FER1L5: variants seen among roughly 807,000 people sequenced by gnomAD.
The protein encoded by FER1L5 is fer-1-like protein 5.
A neutral mutation model predicts 279.9 loss-of-function variants in FER1L5; 187 were observed. The observed-to-expected ratio is 0.67, with a 90% confidence interval of 0.59 to 0.75. FER1L5 has a LOEUF of 0.75. Ranked by LOEUF, FER1L5 falls within the 30% of genes least tolerant of loss-of-function variation. The pLI is 0.00. For missense variants in FER1L5, 2,091 were observed against 2,594.4 expected (o/e 0.81, Z 4.21); for synonymous variants, 921 against 989.7 (o/e 0.93, Z 1.30).
Position 96,704,381 on chromosome 2 carries a change from G to A in FER1L5, c.5949+19G>A. ...AGCTCCGGTGAGTGGCAGCCATGGG[G>A]GCAAGGACAAAGGTGGTCTCGGGAT... On this transcript the variant is annotated intron_variant, in intron 52 of 52. Coordinates refer to ENST00000624922, the MANE Select transcript of FER1L5 (RefSeq NM_001293083.2). The A allele has an allele frequency of 6.2e-7, 1 of 1,613,532 alleles. No homozygotes were observed. The highest frequency in any genetic ancestry group is 8.5e-7 in the Non-Finnish European group (1 of 1,179,552).
At chr2:96,682,804 C>G (rs2076779524) in intron 19 of FER1L5, among the ~76,000 whole-genome samples, 1 of 152,214 alleles carries the variant, frequency 6.6e-6, no homozygotes, top group Admixed American at 6.5e-5. Flanking sequence ...CTCCTGGGCT[C>G]AAGCCCACCC....
chr2:96,672,004 T>C (rs771325712), intron 18 of FER1L5, among the ~76,000 whole-genome samples: 4 of 151,900 alleles, frequency 2.6e-5, no homozygotes, highest in Non-Finnish European at 5.9e-5. Flanking sequence ...GAGGCTGAGA[T>C]AGGAGGATTA....
At chr2:96,688,019 G>T in intron 24 of FER1L5, 72 bp downstream of exon 24, 1 of 1,529,258 alleles carries the variant, frequency 6.5e-7, no homozygotes. Flanking sequence ...TCGTAGGGAA[G>T]AGATGGCCTC....
At chr2:96,685,917 C>T (rs1161983746) in intron 21 of FER1L5, 23 bp from the exon 22 acceptor site, 1 of 1,507,048 alleles carries the variant, frequency 6.6e-7, no homozygotes, top group African/African-American at 1.4e-5. Flanking sequence ...GGTCCAGCCC[C>T]TGCTACCCTG....
intron 22 of FER1L5, 27 bp downstream of exon 22, chr2:96,686,144 G>A (rs1573917949): frequency 1.3e-6 from 2 of 1,547,216 alleles, no homozygotes; most frequent in Non-Finnish European, 1.7e-6. Flanking sequence ...CTGGCCTGCA[G>A]CAGGGCTGGG....
At chr2:96,683,435 C>T (rs530044748) in intron 19 of FER1L5, among the ~76,000 whole-genome samples, 1 of 152,198 alleles carries the variant, frequency 6.6e-6, no homozygotes, top group African/African-American at 2.4e-5. Context: ...TTATAAGGAC[C>T]CCAGTCCTTA....
At position 96,689,755 on chromosome 2, in the gene FER1L5, CGTG is replaced by C; in HGVS notation, c.2640+1_2640+3del. 2 of 1,547,752 alleles carry C rather than the reference CGTG, an allele frequency of 1.3e-6. No individual in the cohort carries two copies. Among genetic ancestry groups the C allele is most frequent in the Non-Finnish European group, 1.7e-6 (2 of 1,145,550 alleles). On this transcript the variant is annotated inframe_deletion and splice_region_variant, in exon 26 of 53. Transcript: ENST00000624922. The surrounding 1 kb of genome is among the most constrained non-coding windows in gnomAD (Gnocchi z 4.6). ...GGCCTGCCGCCATCCCAAACACAGA[CGTG>C]GTGAGCAGGGCCGAAGCTGCCTCGG...
Position 96,653,667 on chromosome 2 carries a change from C to T in FER1L5, c.661C>T (p.Pro221Ser), listed in dbSNP as rs1231701306. 7.1e-6 allele frequency: 11 copies of T among 1,551,388 alleles called. No individual in the cohort carries two copies. Among genetic ancestry groups the T allele is most frequent in the Non-Finnish European group, 9.6e-6 (11 of 1,146,950 alleles). ...CTTCTTCCAGAATTTTCATGAGGTT[C>T]CTGCAAAGTTCTTTGATGAGACCAT... Reference protein sequence around the residue: ...EIFFQNFHEVPAKFFDETILI... With the variant: ...EIFFQNFHEVSAKFFDETILI... The change falls in exon 8 of 53, where the codon CCT becomes TCT. Residue 221 changes from proline (P) to serine (S), a missense_variant. Transcript: ENST00000624922.
Position 96,699,068 on chromosome 2 carries a change from A to G in FER1L5, c.4542A>G (p.Lys1514=). The G allele has an allele frequency of 6.2e-7, 1 of 1,611,596 alleles. No homozygotes were observed. Among genetic ancestry groups the G allele is most frequent in the Non-Finnish European group, 8.5e-7 (1 of 1,178,992 alleles). ...NGLCDPYVIL[K]LGKTELGNRD... is the part of the protein sequence containing the mutation. ...AGTGTGACCCTTATGTGATCCTGAA[A>G]CTGGGCAAGACAGAGCTTGGCAACC... Residue 1514 remains lysine, a synonymous_variant, in exon 42 of 53, where the codon AAA becomes AAG. Coordinates refer to ENST00000624922, the MANE Select transcript of FER1L5 (RefSeq NM_001293083.2).
chr2:96,659,296 T>G (rs148356576), intron 9 of FER1L5, among the ~76,000 whole-genome samples: 318 of 23,952 alleles, frequency 0.013, 12 homozygotes, highest in East Asian at 0.045. Context: ...AAGCTTTCCT[T>G]CCTTCCTTCC....
chr2:96,691,332 G>A lies in FER1L5; in HGVS notation c.2886G>A (p.Glu962=), dbSNP rs2077135606. The A allele has an allele frequency of 6.5e-7, 1 of 1,550,008 alleles. No individual in the cohort carries two copies. The highest frequency in any genetic ancestry group is 8.7e-7 in the Non-Finnish European group (1 of 1,146,526). The change falls in exon 28 of 53, where the codon GAG becomes GAA. Residue 962 remains glutamate (E), a synonymous_variant. Coordinates refer to ENST00000624922, the MANE Select transcript of FER1L5 (RefSeq NM_001293083.2). The surrounding 1 kb of genome is among the most constrained non-coding windows in gnomAD (Gnocchi z 6.0). ...RNHGELSHEQ[E]TLSFLQLGLA... ...ATGGGGAGCTGAGCCACGAGCAGGAGACCCTCTCCTTCCTGCAGCTGGTGA... is the reference window on the plus strand; with the variant it reads ...ATGGGGAGCTGAGCCACGAGCAGGAAACCCTCTCCTTCCTGCAGCTGGTGA...
At chr2:96,695,943 A>G (rs756320403) in intron 36 of FER1L5, 39 bp downstream of exon 36, 3 of 1,609,616 alleles carry the variant, frequency 1.9e-6, no homozygotes, top group African/African-American at 1.3e-5. Context: ...AGGCCTCACA[A>G]GCGAGCCTGC....
At chr2:96,659,584 C>A (rs912955136) in intron 9 of FER1L5, among the ~76,000 whole-genome samples, 2 of 149,226 alleles carry the variant, frequency 1.3e-5, no homozygotes. Context: ...TTCCGCCTCC[C>A]GGGTTCACAC....
chr2:96,670,005 G>T, intron 17 of FER1L5, 114 bp from the exon 18 acceptor site: 1 of 1,390,364 alleles, frequency 7.2e-7, no homozygotes, highest in Admixed American at 2.1e-5. Flanking sequence ...GTTGCAGTAA[G>T]CCCCGGGCAG....
At position 96,646,668 on chromosome 2, in the gene FER1L5, C is replaced by G. The variant is rs1294144080; in HGVS notation, c.138+215C>G. 2.0e-5 allele frequency among the ~76,000 whole-genome samples: 3 copies of G among 152,176 alleles called. No individual in the cohort carries two copies. In the East Asian group the frequency reaches 5.8e-4, roughly 29 times the overall value. ...CCACGACTGTTCGTGGCCCTTCTCCCCCACTCCGAGGATGGACCATGGTAT... is the reference window on the plus strand; with the variant it reads ...CCACGACTGTTCGTGGCCCTTCTCCGCCACTCCGAGGATGGACCATGGTAT... On this transcript the variant is annotated intron_variant, in intron 2 of 52. Transcript: ENST00000624922.
intron 2 of FER1L5, among the ~76,000 whole-genome samples, chr2:96,646,859 G>A (rs1341868979): frequency 3.3e-5 from 5 of 152,232 alleles, no homozygotes; most frequent in South Asian, 2.1e-4. Flanking sequence ...TGATACTGCA[G>A]TTCAAGTCAC....
Position 96,700,386 on chromosome 2 carries a change from T to C in FER1L5, c.4985T>C (p.Leu1662Pro). The C allele has an allele frequency of 6.2e-7, 1 of 1,613,852 alleles. No homozygotes were observed. Among genetic ancestry groups the C allele is most frequent in the Non-Finnish European group, 8.5e-7 (1 of 1,179,874 alleles). ...GLGPKKERLA[L>P]YLLHTQGLVP... The stretch of plus-strand genomic sequence containing the variant: ...GGACCCAAGAAGGAACGCCTTGCAC[T>C]GTACCTCCTGCACACCCAGGGGCTG... Residue 1662 changes from leucine (L) to proline (P), a missense_variant, in exon 45 of 53, where the codon CTG (leucine) becomes CCG (proline). Physicochemically the swap from Leu to Pro is moderately conservative, Grantham distance 98. Transcript: ENST00000624922.
At chr2:96,659,361 C>CCTT (rs1558853610) in intron 9 of FER1L5, among the ~76,000 whole-genome samples, 3 of 66,676 alleles carry the variant, frequency 4.5e-5, no homozygotes, top group Non-Finnish European at 5.9e-5. Context: ...TTCCTTCCTT[C>CCTT]CTTCTTTCTT....
At chr2:96,701,388 T>A (rs1478736141) in intron 45 of FER1L5, among the ~76,000 whole-genome samples, 5 of 152,216 alleles carry the variant, frequency 3.3e-5, no homozygotes, top group Non-Finnish European at 7.3e-5. Context: ...TGAGGTCAGG[T>A]GGTCTGAAAG....
Sources: allele counts gnomAD v4.1 joint callset (sites outside exome capture counted in the v4.1 genomes callset), GRCh38; gene constraint gnomAD v4.1.1; non-coding constraint Gnocchi (gnomAD v3.1); transcripts MANE v1.5; gene names NCBI Gene and HGNC (gene_info 2026-07-23, HGNC 2026-07-21).